CFAP54: variants seen among roughly 807,000 people sequenced by gnomAD.
The protein encoded by CFAP54 is cilia and flagella associated protein 54.
CFAP54 carries 290 observed loss-of-function variants against 370.4 expected under a neutral mutation model. The observed-to-expected ratio is 0.78, with a 90% CI of 0.71 to 0.86. The LOEUF (loss-of-function observed/expected upper bound fraction) is 0.86, where lower values mean the gene tolerates loss of function less well. Ranked by LOEUF, CFAP54 falls within the 40% of genes least tolerant of loss-of-function variation. CFAP54 has a pLI of 0.00. For synonymous variants in CFAP54, 1,206 were observed against 1,236.5 expected (o/e 0.98, Z 0.52); for missense variants, 3,399 against 3,528.7 (o/e 0.96, Z 0.93).
intron 9 of CFAP54, among the ~76,000 whole-genome samples, chr12:96,530,495 A>G (rs922661559): frequency 6.6e-6 from 1 of 152,116 alleles, no homozygotes; most frequent in Admixed American, 6.5e-5. Context: ...ACTCTGTCTC[A>G]AAAAAAATTT....
chr12:96,563,802 C>T (rs1955838453), intron 17 of CFAP54, among the ~76,000 whole-genome samples: 1 of 152,196 alleles, frequency 6.6e-6, no homozygotes, highest in Admixed American at 6.5e-5. Context: ...CTCTTAAGCA[C>T]CAGACCTGAA....
chr12:96,663,804 A>G (rs774269542), intron 38 of CFAP54, 26 bp from the exon 39 acceptor site: 3 of 1,542,314 alleles, frequency 1.9e-6, no homozygotes, highest in East Asian at 4.5e-5. Context: ...CCCGACTAAT[A>G]TTTGTTTTCA....
intron 8 of CFAP54, among the ~76,000 whole-genome samples, chr12:96,523,480 C>A (rs1955342282): frequency 6.6e-6 from 1 of 152,036 alleles, no homozygotes; most frequent in African/African-American, 2.4e-5. Context: ...GACATGGTAC[C>A]TTTCCATTGC....
intron 66 of CFAP54, among the ~76,000 whole-genome samples, chr12:96,842,737 AC>A (rs1312130366): frequency 6.6e-6 from 1 of 152,148 alleles, no homozygotes; most frequent in Non-Finnish European, 1.5e-5. Flanking sequence ...TCTTCTGCCT[AC>A]TACTACCCTT....
chr12:96,701,042 C>CTACA (rs1957486170), intron 46 of CFAP54, among the ~76,000 whole-genome samples: 1 of 152,134 alleles, frequency 6.6e-6, no homozygotes, highest in Non-Finnish European at 1.5e-5. Context: ...CATATGACTG[C>CTACA]TACAGCATTA....
At chr12:96,612,948 T>G (rs1016558549) in intron 26 of CFAP54, among the ~76,000 whole-genome samples, 2 of 152,092 alleles carry the variant, frequency 1.3e-5, no homozygotes, top group Non-Finnish European at 2.9e-5. Context: ...CACTGTCAAC[T>G]TTAGACAGAT....
chr12:96,729,803 C>A (rs957055763), intron 50 of CFAP54, among the ~76,000 whole-genome samples: 3 of 152,130 alleles, frequency 2.0e-5, no homozygotes, highest in African/African-American at 7.2e-5. Flanking sequence ...AGCTGTAGAC[C>A]GGAGCTGTTC....
Position 96,838,551 on chromosome 12 carries a change from GAA to G in CFAP54, c.9171+9470_9171+9471del, listed in dbSNP as rs1959193750. 2.0e-5 allele frequency among the ~76,000 whole-genome samples: 3 copies of G among 151,756 alleles called. No homozygotes were observed. In the South Asian group the frequency reaches 6.3e-4, roughly 32 times the overall value. On this transcript the variant is annotated intron_variant, in intron 66 of 67. Coordinates refer to ENST00000524981, the MANE Select transcript of CFAP54 (RefSeq NM_001306084.2). ...TCTTACATGTGGCAGGAGAGAGAGA[GAA>G]AAAAAAGTGAGGGGGGAAGAGCTGC... is the stretch of plus-strand genomic sequence containing the variant.
intron 26 of CFAP54, among the ~76,000 whole-genome samples, chr12:96,599,893 T>C (rs1956220962): frequency 6.6e-6 from 1 of 152,236 alleles, no homozygotes; most frequent in East Asian, 1.9e-4. Flanking sequence ...TCTTTGTAGA[T>C]TCTAGATATT....
At chr12:96,854,507 A>G (rs1343198386) in intron 66 of CFAP54, among the ~76,000 whole-genome samples, 5 of 152,196 alleles carry the variant, frequency 3.3e-5, no homozygotes, top group Non-Finnish European at 7.4e-5. Context: ...CTAAAAAACA[A>G]CTTTAGAGAA....
At chr12:96,719,993 A>AAC (rs1222014535) in intron 49 of CFAP54, among the ~76,000 whole-genome samples, 2 of 152,224 alleles carry the variant, frequency 1.3e-5, no homozygotes. Flanking sequence ...CTTAGCCATA[A>AAC]ACACACATTA....
intron 17 of CFAP54, among the ~76,000 whole-genome samples, chr12:96,559,047 C>T (rs1467411440): frequency 6.6e-6 from 1 of 152,034 alleles, no homozygotes; most frequent in Non-Finnish European, 1.5e-5. Flanking sequence ...GAAACCCAGT[C>T]TCTACTAAAA....
intron 48 of CFAP54, among the ~76,000 whole-genome samples, chr12:96,715,345 G>C (rs560576728): frequency 9.9e-5 from 15 of 152,272 alleles, no homozygotes; most frequent in African/African-American, 3.4e-4. Flanking sequence ...TGGATTTGCA[G>C]GGGCTTGGGG....
intron 55 of CFAP54, among the ~76,000 whole-genome samples, chr12:96,750,122 G>C (rs2136652092): frequency 6.6e-6 from 1 of 152,334 alleles, no homozygotes; most frequent in East Asian, 1.9e-4. Flanking sequence ...TCACTCTTTG[G>C]AGCTAGAGAC....
chr12:96,704,352 G>A (rs1405342511), intron 46 of CFAP54, among the ~76,000 whole-genome samples: 7 of 149,048 alleles, frequency 4.7e-5, no homozygotes, highest in African/African-American at 1.5e-4. Flanking sequence ...GTGTGAACCC[G>A]GGAGGTGGAG....
intron 65 of CFAP54, among the ~76,000 whole-genome samples, chr12:96,822,024 C>A (rs1051014081): frequency 2.0e-5 from 3 of 152,074 alleles, no homozygotes; most frequent in African/African-American, 7.2e-5. Context: ...CCCCAAAACC[C>A]TAGGGTCCAG....
intron 14 of CFAP54, 48 bp from the exon 15 acceptor site, chr12:96,547,854 C>A: frequency 1.0e-6 from 1 of 959,252 alleles, no homozygotes; most frequent in Non-Finnish European, 1.5e-6. Flanking sequence ...CTCCTCTTCT[C>A]CCTTCCCCTC....
intron 63 of CFAP54, among the ~76,000 whole-genome samples, chr12:96,798,764 T>A (rs1236017659): frequency 6.6e-6 from 1 of 152,204 alleles, no homozygotes; most frequent in African/African-American, 2.4e-5. Context: ...AAATTATTTT[T>A]AAATTATTAT....
At chr12:96,579,132 T>C (rs1197860142) in intron 20 of CFAP54, among the ~76,000 whole-genome samples, 1 of 152,204 alleles carries the variant, frequency 6.6e-6, no homozygotes, top group Non-Finnish European at 1.5e-5. Flanking sequence ...ATAGTATCTT[T>C]TTGCATGGGA....
Sources: allele counts gnomAD v4.1 joint callset (sites outside exome capture counted in the v4.1 genomes callset), GRCh38; gene constraint gnomAD v4.1.1; transcripts MANE v1.5; gene names NCBI Gene and HGNC (gene_info 2026-07-23, HGNC 2026-07-21).